THSD7B: variants seen among roughly 807,000 people sequenced by gnomAD.
THSD7B encodes thrombospondin type-1 domain-containing protein 7B.
A neutral mutation model predicts 213.6 loss-of-function variants in THSD7B; 138 were observed. That is an observed-to-expected ratio of 0.65 (90% CI 0.56 to 0.74). The LOEUF is 0.74. Among genes scored for constraint, THSD7B ranks in the 30% least tolerant of loss-of-function variants. The probability of loss-of-function intolerance (pLI) is 0.00; values close to 1 mark genes in which losing one functional copy is unlikely to be tolerated. For missense variants in THSD7B, 1,931 were observed against 1,991.5 expected, an observed-to-expected ratio of 0.97 and a Z score of 0.58; for synonymous variants, 742 against 687.0, an observed-to-expected ratio of 1.08 and a Z score of -1.25.
At chr2:136,774,748 G>A (rs564115947) in intron 1 of THSD7B, among the ~76,000 whole-genome samples, 10 of 152,158 alleles carry the variant, frequency 6.6e-5, no homozygotes, top group East Asian at 5.8e-4. Flanking sequence ...AGGCTATATC[G>A]TGTAAGAGTA....
chr2:137,208,369 G>A (rs2105030957), intron 7 of THSD7B, among the ~76,000 whole-genome samples: 1 of 152,096 alleles, frequency 6.6e-6, no homozygotes, highest in Non-Finnish European at 1.5e-5. Context: ...TGTTTGCGGA[G>A]GCCTGGGGAA....
intron 27 of THSD7B, among the ~76,000 whole-genome samples, chr2:137,675,745 G>A (rs1245898080): frequency 6.6e-6 from 1 of 152,086 alleles, no homozygotes; most frequent in Non-Finnish European, 1.5e-5. Context: ...ATGAAGCCGG[G>A]CTGTGTGGGC....
intron 15 of THSD7B, among the ~76,000 whole-genome samples, chr2:137,524,675 G>A (rs187634681): frequency 3.9e-5 from 6 of 152,224 alleles, no homozygotes; most frequent in Admixed American, 3.3e-4. Flanking sequence ...TGTTCATAAG[G>A]TCAGGAAATT....
intron 15 of THSD7B, among the ~76,000 whole-genome samples, chr2:137,532,197 A>AAT (rs1680411203): frequency 6.6e-6 from 1 of 151,944 alleles, no homozygotes; most frequent in East Asian, 1.9e-4. Flanking sequence ...TCTGAATCTG[A>AAT]ATCTTGGGAA....
At chr2:136,864,678 G>A (rs533279501) in intron 1 of THSD7B, among the ~76,000 whole-genome samples, 65 of 151,904 alleles carry the variant, frequency 4.3e-4, no homozygotes, top group Admixed American at 1.2e-3. Context: ...TCAGCCCCCC[G>A]AGTAGCTGGG....
intron 1 of THSD7B, among the ~76,000 whole-genome samples, chr2:136,783,013 G>T (rs1681771345): frequency 6.6e-6 from 1 of 152,076 alleles, no homozygotes; most frequent in African/African-American, 2.4e-5. Flanking sequence ...AAACATCCAG[G>T]CAGAACTGAC....
chr2:137,157,022 T>C (rs934622722), intron 5 of THSD7B, among the ~76,000 whole-genome samples: 2 of 152,170 alleles, frequency 1.3e-5, no homozygotes, highest in African/African-American at 4.8e-5. Context: ...TAATATGAAT[T>C]CTTGCTGTAA....
chr2:137,178,219 A>G (rs1312090843), intron 7 of THSD7B, among the ~76,000 whole-genome samples: 3 of 147,460 alleles, frequency 2.0e-5, no homozygotes, highest in Non-Finnish European at 4.5e-5. Flanking sequence ...ATTGTTACCT[A>G]TGAATTACTA....
chr2:137,529,522 A>T (rs564880686), intron 15 of THSD7B, among the ~76,000 whole-genome samples: 1 of 152,038 alleles, frequency 6.6e-6, no homozygotes, highest in East Asian at 1.9e-4. Flanking sequence ...AGCAAACATT[A>T]GAGTTAGGCA....
At chr2:137,573,369 G>A (rs1056908340) in intron 17 of THSD7B, among the ~76,000 whole-genome samples, 2 of 151,986 alleles carry the variant, frequency 1.3e-5, no homozygotes, top group African/African-American at 4.8e-5. Flanking sequence ...GTATGGAAAT[G>A]GAAAATATCT....
chr2:136,924,295 G>T (rs1558854075), intron 2 of THSD7B, among the ~76,000 whole-genome samples: 1 of 152,034 alleles, frequency 6.6e-6, no homozygotes. Flanking sequence ...TGGCCAGGCT[G>T]GTCTTGAACT....
chr2:137,299,308 G>A (rs935283460), intron 12 of THSD7B, among the ~76,000 whole-genome samples: 2 of 152,072 alleles, frequency 1.3e-5, no homozygotes, highest in Non-Finnish European at 1.5e-5. Flanking sequence ...TTGTATCTAG[G>A]AAGTAACTGG....
chr2:137,463,777 CA>C (rs1573640382), intron 15 of THSD7B, among the ~76,000 whole-genome samples: 1 of 152,018 alleles, frequency 6.6e-6, no homozygotes, highest in Admixed American at 6.6e-5. Flanking sequence ...AGTGCATAAA[CA>C]ATGGATAGAC....
intron 2 of THSD7B, among the ~76,000 whole-genome samples, chr2:136,915,843 C>A (rs576857060): frequency 1.1e-3 from 170 of 152,230 alleles, no homozygotes; most frequent in African/African-American, 4.0e-3. Context: ...GTATTAAATT[C>A]AACAACAACA....
At chr2:137,155,651 A>T (rs769744424) in intron 5 of THSD7B, among the ~76,000 whole-genome samples, 1 of 152,174 alleles carries the variant, frequency 6.6e-6, no homozygotes, top group Non-Finnish European at 1.5e-5. Flanking sequence ...TTTAAAAAGT[A>T]TGATAGTCAT....
intron 10 of THSD7B, among the ~76,000 whole-genome samples, chr2:137,244,868 GA>G (rs1303866766): frequency 1.3e-5 from 2 of 152,128 alleles, no homozygotes; most frequent in African/African-American, 4.8e-5. Flanking sequence ...ATAAGAGGGG[GA>G]AAAATTTGGA....
intron 7 of THSD7B, among the ~76,000 whole-genome samples, chr2:137,216,900 A>G (rs1417213546): frequency 1.3e-5 from 2 of 152,132 alleles, no homozygotes; most frequent in Non-Finnish European, 2.9e-5. Flanking sequence ...CTAGTTGTCT[A>G]TGGGCAAGTT....
intron 14 of THSD7B, among the ~76,000 whole-genome samples, chr2:137,415,558 A>G (rs1462543619): frequency 6.6e-6 from 1 of 152,048 alleles, no homozygotes; most frequent in Non-Finnish European, 1.5e-5. Flanking sequence ...CATCTGTGTG[A>G]CAACAGGTCC....
chr2:136,969,972 T>C (rs1387233940), intron 2 of THSD7B, among the ~76,000 whole-genome samples: 1 of 152,126 alleles, frequency 6.6e-6, no homozygotes, highest in African/African-American at 2.4e-5. Context: ...AAAAGGAATC[T>C]GAAGGAAGCG....
Sources: gnomAD v4.1 joint callset for allele counts (sites outside exome capture counted in the v4.1 genomes callset) on GRCh38, gnomAD v4.1.1 for gene constraint, MANE v1.5 for transcripts, NCBI Gene and HGNC (gene_info 2026-07-23, HGNC 2026-07-21) for gene names.